The following ASH2L variants were observed in gnomAD, a reference collection of about 807,000 sequenced individuals.
ASH2L encodes the protein ASH2 like, histone lysine methyltransferase complex subunit.
In ASH2L, 30 loss-of-function variants were observed where a neutral mutation model predicts 81.1. That is an observed-to-expected ratio of 0.37 (90% CI 0.28 to 0.50). The LOEUF (loss-of-function observed/expected upper bound fraction) is 0.50. Among genes scored for constraint, ASH2L ranks in the 20% least tolerant of loss-of-function variants. The probability of loss-of-function intolerance (pLI) is 0.95; values close to 1 mark genes in which losing one functional copy is unlikely to be tolerated. For synonymous variants in ASH2L, 273 were observed against 279.9 expected (o/e 0.98, Z 0.24); for missense variants, 559 against 792.1 (o/e 0.71, Z 3.53).
At chr8:38,118,029 A>G (rs558565859) in intron 8 of ASH2L, among the ~76,000 whole-genome samples, 1 of 152,386 alleles carries the variant, frequency 6.6e-6, no homozygotes, top group South Asian at 2.1e-4. Context: ...ACTGCACTCC[A>G]GCTTGGGCAA....
At chr8:38,120,238 T>A (rs561629055) in intron 9 of ASH2L, among the ~76,000 whole-genome samples, 50 of 152,286 alleles carry the variant, frequency 3.3e-4, no homozygotes, top group African/African-American at 1.1e-3. Flanking sequence ...GTGATAAGCC[T>A]GGGGAACCTA....
intron 12 of ASH2L, among the ~76,000 whole-genome samples, chr8:38,130,521 T>A (rs1585602760): frequency 6.6e-6 from 1 of 152,190 alleles, no homozygotes; most frequent in African/African-American, 2.4e-5. Context: ...CTCCCTGTCA[T>A]GAAGATATTC....
At chr8:38,136,673 G>A (rs112174678) in intron 14 of ASH2L, among the ~76,000 whole-genome samples, 3,895 of 151,874 alleles carry the variant, frequency 0.026, 157 homozygotes, top group African/African-American at 0.09. Context: ...TACTCAGGAG[G>A]CTGAGGCAGG....
Position 38,105,595 on chromosome 8 carries a change from G to C in ASH2L, c.45G>C (p.Gly15=), listed in dbSNP as rs765620872. ...GACCTGGCCAGGAAGCGGGTGCCGG[G>C]CCTGGCCCAGGAGCGGTCGCAAATG... The part of the protein sequence containing the change: ...GAGPGQEAGA[G]PGPGAVANAT... The change falls in exon 1 of 16, where the codon GGG becomes GGC. Residue 15 remains glycine, a synonymous_variant. Transcript: ENST00000343823. 2 of 1,596,838 alleles carry C rather than the reference G, an allele frequency of 1.3e-6. No homozygotes were observed. The highest frequency in any genetic ancestry group is 2.7e-5 in the African/African-American group (2 of 74,140).
At chr8:38,105,784 C>T (rs1320360992) in intron 1 of ASH2L, 46 bp downstream of exon 1, 1 of 1,496,928 alleles carries the variant, frequency 6.7e-7, no homozygotes, top group South Asian at 1.4e-5. Flanking sequence ...GGAGGCCCGC[C>T]CCTCGCGAAT....
chr8:38,139,265 C>T lies in ASH2L; in HGVS notation c.*194C>T, dbSNP rs1802387429. ...TTTCTCCCCACTTCCAGTGACTGCT[C>T]TTATTTTGTGTACCATAAGCCAACA... On this transcript the variant is annotated 3_prime_UTR_variant, in exon 16 of 16. Transcript: ENST00000343823. The T allele has an allele frequency of 1.8e-6, 1 of 543,690 alleles. No individual in the cohort carries two copies. The highest frequency in any genetic ancestry group is 3.3e-6 in the Non-Finnish European group (1 of 306,688). The allele number at this position is 543,690 out of a possible 1,614,324, so 33.7% of individuals were successfully genotyped here. A position where few individuals can be genotyped will look rare whatever the true frequency, so the allele number is the denominator to read the frequency against.
At chr8:38,132,823 G>A (rs1295328191) in intron 12 of ASH2L, among the ~76,000 whole-genome samples, 1 of 150,238 alleles carries the variant, frequency 6.7e-6, no homozygotes. Context: ...TAGGCTGGGC[G>A]CAGTGGCTCA....
intron 3 of ASH2L, among the ~76,000 whole-genome samples, chr8:38,109,927 C>T (rs553671504): frequency 6.6e-6 from 1 of 152,180 alleles, no homozygotes; most frequent in Admixed American, 6.6e-5. Context: ...GCTGAATTGT[C>T]CAGTATAACG....
chr8:38,131,993 C>T (rs1380097283), intron 12 of ASH2L, among the ~76,000 whole-genome samples: 4 of 152,086 alleles, frequency 2.6e-5, no homozygotes, highest in South Asian at 2.1e-4. Flanking sequence ...GGATTACAGG[C>T]GTGCACCACC....
intron 13 of ASH2L, among the ~76,000 whole-genome samples, chr8:38,133,793 A>G (rs1802151967): frequency 6.6e-6 from 1 of 152,210 alleles, no homozygotes; most frequent in African/African-American, 2.4e-5. Context: ...GTATAAAAAT[A>G]GTGGCCTGCA....
intron 8 of ASH2L, among the ~76,000 whole-genome samples, chr8:38,117,026 A>G (rs1490328940): frequency 2.0e-5 from 3 of 152,220 alleles, no homozygotes; most frequent in African/African-American, 2.4e-5. Context: ...TTAAATTTAG[A>G]AAGATTCATC....
chr8:38,137,265 G>A (rs1802294383), intron 14 of ASH2L, among the ~76,000 whole-genome samples: 1 of 151,392 alleles, frequency 6.6e-6, no homozygotes, highest in South Asian at 2.1e-4. Flanking sequence ...GCCGGGCATC[G>A]GCCGGGTGTG....
chr8:38,117,057 C>T (rs2130506003), intron 8 of ASH2L, among the ~76,000 whole-genome samples: 1 of 152,310 alleles, frequency 6.6e-6, no homozygotes, highest in African/African-American at 2.4e-5. Context: ...TCTTTTTCTG[C>T]AATTCAGCTG....
chr8:38,137,269 G>A (rs1239416962), intron 14 of ASH2L, among the ~76,000 whole-genome samples: 9 of 151,334 alleles, frequency 5.9e-5, no homozygotes, highest in African/African-American at 1.7e-4. Context: ...GGCATCGGCC[G>A]GGTGTGGCGG....
In ASH2L at chr8:38,114,981, A is replaced by G. The variant is rs772750976; in HGVS notation, c.758A>G (p.Lys253Arg). 2 of 1,611,414 alleles carry G rather than the reference A, an allele frequency of 1.2e-6. No homozygotes were observed. Among genetic ancestry groups the G allele is most frequent in the Non-Finnish European group, 8.5e-7 (1 of 1,177,668 alleles). Residue 253 changes from lysine to arginine, a missense_variant, in exon 7 of 16, where the codon AAA becomes AGA. Physicochemically the swap from Lys to Arg is conservative, Grantham distance 26 (BLOSUM62 2). Coordinates refer to ENST00000343823, the MANE Select transcript of ASH2L (RefSeq NM_004674.5). Reference sequence around the variant, plus strand: ...AAAGATCCAGAAGAAGATTACCCCAAATTTGGACTTTTGGATCAGGTACAT... The same window carrying G: ...AAAGATCCAGAAGAAGATTACCCCAGATTTGGACTTTTGGATCAGGTACAT... ...GSKDPEEDYP[K>R]FGLLDQDLSN...
chr8:38,129,426 T>C (rs938360217), intron 12 of ASH2L, among the ~76,000 whole-genome samples: 2 of 151,452 alleles, frequency 1.3e-5, no homozygotes, highest in African/African-American at 4.9e-5. Flanking sequence ...AGCCCACGAG[T>C]TCAAGACCAG....
At position 38,121,159 on chromosome 8, in the gene ASH2L, G is replaced by C; in HGVS notation, c.1165+10G>C. 1 of 1,610,292 alleles carries C rather than the reference G, an allele frequency of 6.2e-7. No individual in the cohort carries two copies. The highest frequency in any genetic ancestry group is 8.5e-7 in the Non-Finnish European group (1 of 1,177,536). On this transcript the variant is annotated intron_variant, in intron 10 of 15. Transcript: ENST00000343823. ...GCCCTACATGATCGAGGTATGTAAA[G>C]TATTGGAGATCATATGGATGCAGGG...
chr8:38,110,051 A>G (rs1252949890), intron 3 of ASH2L, among the ~76,000 whole-genome samples: 1 of 152,226 alleles, frequency 6.6e-6, no homozygotes, highest in African/African-American at 2.4e-5. Flanking sequence ...ACATATTAAC[A>G]TTTTAATTTA....
intron 8 of ASH2L, 116 bp from the exon 9 acceptor site, chr8:38,119,154 A>G: frequency 1.1e-6 from 1 of 884,526 alleles, no homozygotes; most frequent in Non-Finnish European, 1.7e-6. Context: ...TTGGAAGGAA[A>G]TCCTCCTGTG....
Sources: allele counts gnomAD v4.1 joint callset (sites outside exome capture counted in the v4.1 genomes callset), GRCh38; gene constraint gnomAD v4.1.1; transcripts MANE v1.5; gene names NCBI Gene and HGNC (gene_info 2026-07-23, HGNC 2026-07-21).